The following CSMD1 variants were observed in gnomAD, a reference collection of about 807,000 sequenced individuals.
The protein encoded by CSMD1 is CUB and sushi domain-containing protein 1.
CSMD1 carries 213 observed loss-of-function variants against 417.5 expected under a neutral mutation model. The observed-to-expected ratio is 0.51, with a 90% CI of 0.46 to 0.57. CSMD1 has a LOEUF of 0.57. Ranked by LOEUF, CSMD1 falls within the 20% of genes least tolerant of loss-of-function variation. The pLI is 0.00. For missense variants in CSMD1, 6,923 were observed against 4,529.7 expected (o/e 1.53, Z -15.17); for synonymous variants, 2,862 against 1,736.8 (o/e 1.65, Z -16.11).
chr8:3,011,603 T>C (rs1245958907), intron 52 of CSMD1, among the ~76,000 whole-genome samples: 1 of 152,106 alleles, frequency 6.6e-6, no homozygotes, highest in Non-Finnish European at 1.5e-5. Context: ...GCGCAATAAA[T>C]GCAAACTTAT....
intron 3 of CSMD1, among the ~76,000 whole-genome samples, chr8:4,213,413 G>T (rs535200354): frequency 6.6e-6 from 1 of 152,150 alleles, no homozygotes; most frequent in African/African-American, 2.4e-5. Flanking sequence ...ATCACTGCTG[G>T]TAGTGCTTAT....
intron 2 of CSMD1, among the ~76,000 whole-genome samples, chr8:4,479,074 G>A (rs1419143325): frequency 1.3e-5 from 2 of 152,098 alleles, no homozygotes; most frequent in Non-Finnish European, 2.9e-5. Context: ...AAATGTTTAC[G>A]TGTGTAAAGA....
chr8:4,915,217 T>A (rs998203706), intron 1 of CSMD1, among the ~76,000 whole-genome samples: 1 of 150,412 alleles, frequency 6.6e-6, no homozygotes, highest in Non-Finnish European at 1.5e-5. Flanking sequence ...TATTTATACA[T>A]AACATATATA....
chr8:4,989,042 A>G (rs981415632), intron 1 of CSMD1, among the ~76,000 whole-genome samples: 7 of 152,236 alleles, frequency 4.6e-5, no homozygotes, highest in Non-Finnish European at 4.4e-5. Context: ...CCTTATGGAA[A>G]AGACTGACTT....
intron 21 of CSMD1, among the ~76,000 whole-genome samples, chr8:3,351,538 A>G (rs1308451016): frequency 6.6e-6 from 1 of 151,124 alleles, no homozygotes; most frequent in African/African-American, 2.4e-5. Flanking sequence ...CAGAAGTTAC[A>G]GTGAGCCGAG....
At chr8:3,650,430 C>G (rs1191157631) in intron 7 of CSMD1, among the ~76,000 whole-genome samples, 2 of 152,128 alleles carry the variant, frequency 1.3e-5, no homozygotes, top group East Asian at 1.9e-4. Context: ...CAAATAAATA[C>G]TATGAATAGG....
At chr8:3,693,036 A>C (rs997657094) in intron 7 of CSMD1, among the ~76,000 whole-genome samples, 4 of 152,190 alleles carry the variant, frequency 2.6e-5, no homozygotes, top group Admixed American at 2.0e-4. Flanking sequence ...AAGAAGGTTT[A>C]CAATATTAAA....
chr8:4,508,486 G>C (rs1413971440), intron 2 of CSMD1, among the ~76,000 whole-genome samples: 2 of 152,194 alleles, frequency 1.3e-5, no homozygotes, highest in Admixed American at 6.5e-5. Context: ...TAATTTAGTA[G>C]TATTTTCTTT....
chr8:4,952,510 T>G (rs149548819), intron 1 of CSMD1, among the ~76,000 whole-genome samples: 5,731 of 152,178 alleles, frequency 0.038, 145 homozygotes, highest in Non-Finnish European at 0.059. Flanking sequence ...TACCTTTTCA[T>G]GAATTACTTA....
At chr8:4,914,059 A>G (rs766154740) in intron 1 of CSMD1, among the ~76,000 whole-genome samples, 1 of 152,188 alleles carries the variant, frequency 6.6e-6, no homozygotes, top group Non-Finnish European at 1.5e-5. Context: ...AAATCTTAGT[A>G]CGATACCTAA....
intron 26 of CSMD1, among the ~76,000 whole-genome samples, chr8:3,233,614 G>C (rs940223528): frequency 6.6e-6 from 1 of 152,034 alleles, no homozygotes; most frequent in Non-Finnish European, 1.5e-5. Flanking sequence ...CATTTACTTG[G>C]CCGTTCATAT....
At chr8:4,679,202 T>C (rs1018302416) in intron 1 of CSMD1, among the ~76,000 whole-genome samples, 1 of 152,184 alleles carries the variant, frequency 6.6e-6, no homozygotes. Flanking sequence ...GAGCTGTCTT[T>C]GCAGGGCTTT....
chr8:4,729,669 G>C (rs1037459293), intron 1 of CSMD1, among the ~76,000 whole-genome samples: 1 of 152,206 alleles, frequency 6.6e-6, no homozygotes, highest in Admixed American at 6.5e-5. Context: ...TTTGGCAACA[G>C]AAGACTAGCT....
At chr8:4,308,989 C>T (rs139231385) in intron 3 of CSMD1, among the ~76,000 whole-genome samples, 36 of 152,244 alleles carry the variant, frequency 2.4e-4, no homozygotes, top group African/African-American at 8.2e-4. Context: ...TGAACTAATT[C>T]CTAAAACTAG....
intron 5 of CSMD1, among the ~76,000 whole-genome samples, chr8:3,810,915 T>G (rs915950784): frequency 1.3e-5 from 2 of 152,200 alleles, no homozygotes; most frequent in Non-Finnish European, 2.9e-5. Flanking sequence ...AAGTGCTTCC[T>G]CATTCAGCCC....
At chr8:3,835,617 C>T (rs1052894572) in intron 5 of CSMD1, among the ~76,000 whole-genome samples, 3 of 151,306 alleles carry the variant, frequency 2.0e-5, no homozygotes, top group Admixed American at 6.6e-5. Context: ...TGCTAAATGA[C>T]GAGTTAATGG....
chr8:4,362,622 A>G (rs917061812), intron 3 of CSMD1, among the ~76,000 whole-genome samples: 1 of 152,080 alleles, frequency 6.6e-6, no homozygotes, highest in Admixed American at 6.6e-5. Context: ...TTCTCTTTTC[A>G]CCAGTTTGCT....
intron 1 of CSMD1, among the ~76,000 whole-genome samples, chr8:4,660,817 A>G (rs1185219262): frequency 1.3e-5 from 2 of 152,118 alleles, no homozygotes; most frequent in Admixed American, 1.3e-4. Flanking sequence ...CAAAATTATG[A>G]AGACATTTCA....
intron 2 of CSMD1, among the ~76,000 whole-genome samples, chr8:4,599,622 T>A (rs1800478747): frequency 6.6e-6 from 1 of 152,120 alleles, no homozygotes; most frequent in South Asian, 2.1e-4. Flanking sequence ...CTTCTGTCCA[T>A]CTCATTTAAT....
Sources: gnomAD v4.1 joint callset for allele counts (sites outside exome capture counted in the v4.1 genomes callset) on GRCh38, gnomAD v4.1.1 for gene constraint, MANE v1.5 for transcripts, NCBI Gene and HGNC (gene_info 2026-07-23, HGNC 2026-07-21) for gene names.